CELF4: variants seen among roughly 807,000 people sequenced by gnomAD.
CELF4 encodes CUGBP Elav-like family member 4.
Under a neutral mutation model 59.9 loss-of-function variants are expected in CELF4, and 18 were observed. That is an observed-to-expected ratio of 0.30 (90% CI 0.21 to 0.45). The LOEUF (loss-of-function observed/expected upper bound fraction) is 0.45, where lower values mean the gene tolerates loss of function less well. Ranked by LOEUF, CELF4 falls within the 20% of genes least tolerant of loss-of-function variation. CELF4 has a pLI of 1.00. For missense variants in CELF4, 456 were observed against 689.0 expected, an observed-to-expected ratio of 0.66 and a Z score of 3.79; for synonymous variants, 261 against 267.1, an observed-to-expected ratio of 0.98 and a Z score of 0.22.
intron 1 of CELF4, among the ~76,000 whole-genome samples, chr18:37,539,335 A>G (rs2099975973): frequency 6.6e-6 from 1 of 152,202 alleles, no homozygotes; most frequent in African/African-American, 2.4e-5. Context: ...CCAGTTAGAG[A>G]GTGGGAGAGC....
At position 37,352,040 on chromosome 18, in the gene CELF4, A is replaced by G. The variant is rs148346925; in HGVS notation, c.370-30159T>C. On this transcript the variant is annotated intron_variant, in intron 2 of 12. Coordinates refer to ENST00000420428, the MANE Select transcript of CELF4 (RefSeq NM_020180.4). ...TCTGTCTGAGTACATGGGTCTCTAAATGTTTGGTCCACAATCACAGTTTAA... is the reference window on the plus strand; with the variant it reads ...TCTGTCTGAGTACATGGGTCTCTAAGTGTTTGGTCCACAATCACAGTTTAA... 8.5e-3 allele frequency among the ~76,000 whole-genome samples: 1,301 copies of G among 152,288 alleles called. 12 individuals carry two copies. The highest frequency in any genetic ancestry group is 0.015 in the Non-Finnish European group (1,029 of 68,020).
chr18:37,418,353 TC>T (rs2099546316), intron 2 of CELF4, among the ~76,000 whole-genome samples: 1 of 152,166 alleles, frequency 6.6e-6, no homozygotes, highest in Non-Finnish European at 1.5e-5. Flanking sequence ...AGTCAGCATA[TC>T]CCCATTGCTC....
intron 1 of CELF4, among the ~76,000 whole-genome samples, chr18:37,526,500 A>C (rs1272993615): frequency 6.6e-6 from 1 of 152,054 alleles, no homozygotes; most frequent in Non-Finnish European, 1.5e-5. Flanking sequence ...AAGGTATTAG[A>C]TTTTCAAGTT....
intron 3 of CELF4, among the ~76,000 whole-genome samples, chr18:37,294,502 T>C (rs6507194): frequency 0.48 from 72,976 of 152,054 alleles, 17,927 homozygotes; most frequent in South Asian, 0.62. Flanking sequence ...CCCAGCTTCC[T>C]TGCTCTGGCT....
chr18:37,390,807 AGG>A (rs1004031145), intron 2 of CELF4, among the ~76,000 whole-genome samples: 1 of 57,094 alleles, frequency 1.8e-5, no homozygotes, highest in African/African-American at 8.6e-5. Flanking sequence ...TGGGGCGGGG[AGG>A]GGGGGCAGTG....
intron 2 of CELF4, among the ~76,000 whole-genome samples, chr18:37,374,433 T>C (rs1184129674): frequency 6.6e-6 from 1 of 152,142 alleles, no homozygotes; most frequent in East Asian, 1.9e-4. Flanking sequence ...CCTACCCTTC[T>C]GGAAGCCTCC....
chr18:37,298,299 C>T (rs910096440), intron 3 of CELF4, among the ~76,000 whole-genome samples: 8 of 152,190 alleles, frequency 5.3e-5, no homozygotes, highest in Non-Finnish European at 8.8e-5. Context: ...CCAGCCATGT[C>T]CACCTCTCCT....
At chr18:37,468,859 G>A (rs2099814839) in intron 2 of CELF4, among the ~76,000 whole-genome samples, 2 of 152,084 alleles carry the variant, frequency 1.3e-5, no homozygotes, top group South Asian at 4.2e-4. Context: ...GAACAGCATG[G>A]GGGAAACCAC....
chr18:37,310,514 G>T (rs2096606278), intron 3 of CELF4, among the ~76,000 whole-genome samples: 1 of 152,158 alleles, frequency 6.6e-6, no homozygotes, highest in Non-Finnish European at 1.5e-5. Flanking sequence ...CCTTAGTTCA[G>T]ATTATTTTCC....
chr18:37,534,214 A>G (rs74944822), intron 1 of CELF4, among the ~76,000 whole-genome samples: 2,335 of 152,244 alleles, frequency 0.015, 56 homozygotes, highest in African/African-American at 0.053. Context: ...ACTTGGTGCT[A>G]ATGGCACTAC....
At chr18:37,278,510 C>A (rs2093693510) in intron 3 of CELF4, among the ~76,000 whole-genome samples, 1 of 152,218 alleles carries the variant, frequency 6.6e-6, no homozygotes, top group African/African-American at 2.4e-5. Context: ...ACTGACTCCC[C>A]CTCCCGCTCC....
At chr18:37,360,868 C>A (rs1276011044) in intron 2 of CELF4, among the ~76,000 whole-genome samples, 1 of 152,208 alleles carries the variant, frequency 6.6e-6, no homozygotes, top group Admixed American at 6.5e-5. Context: ...GCGACAAAAT[C>A]CCTCACCCTT....
At chr18:37,347,097 TGGA>T (rs1453800929) in intron 2 of CELF4, among the ~76,000 whole-genome samples, 2 of 151,912 alleles carry the variant, frequency 1.3e-5, no homozygotes, top group Admixed American at 6.6e-5. Flanking sequence ...TGGAGGGTGT[TGGA>T]GGAGAAAGGC....
intron 3 of CELF4, 123 bp downstream of exon 3, chr18:37,321,680 C>G (rs2097125399): frequency 1.5e-6 from 1 of 679,558 alleles, no homozygotes; most frequent in Non-Finnish European, 2.5e-6. Context: ...CAACCCTCAG[C>G]CACGAGATCC....
intron 1 of CELF4, among the ~76,000 whole-genome samples, chr18:37,499,593 AC>A (rs1420329990): frequency 7.2e-5 from 11 of 152,154 alleles, no homozygotes; most frequent in Non-Finnish European, 1.3e-4. Context: ...TCTCAAGCGG[AC>A]CCTGTGAGCT....
rs115403037 is a variant in CELF4, at chr18:37,353,327, T to C, written c.370-31446A>G. 5.3e-3 allele frequency among the ~76,000 whole-genome samples: 809 copies of C among 151,704 alleles called. 9 individuals are homozygous for C. The highest frequency in any genetic ancestry group is 0.018 in the African/African-American group (736 of 41,404). On this transcript the variant is annotated intron_variant, in intron 2 of 12. Coordinates refer to ENST00000420428, the MANE Select transcript of CELF4 (RefSeq NM_020180.4). Reference sequence around the variant, plus strand: ...GGCATATGGTTTTATAGTTAAACTTTCCAGTGAGGCCAGATTCAGCAATCC... The same window carrying C: ...GGCATATGGTTTTATAGTTAAACTTCCCAGTGAGGCCAGATTCAGCAATCC...
intron 2 of CELF4, among the ~76,000 whole-genome samples, chr18:37,381,859 T>C (rs1363128483): frequency 1.3e-5 from 2 of 152,146 alleles, no homozygotes; most frequent in African/African-American, 4.8e-5. Context: ...CCCTGAGTGC[T>C]TTACCACTGG....
intron 1 of CELF4, among the ~76,000 whole-genome samples, chr18:37,516,945 G>A (rs977903498): frequency 6.6e-6 from 1 of 152,236 alleles, no homozygotes; most frequent in Non-Finnish European, 1.5e-5. Context: ...AACATGGCCT[G>A]TGTTCTCTCT....
chr18:37,493,863 C>T (rs965094028), intron 1 of CELF4, among the ~76,000 whole-genome samples: 1 of 152,158 alleles, frequency 6.6e-6, no homozygotes, highest in Non-Finnish European at 1.5e-5. Context: ...AAGAACATGG[C>T]CCATTCTAGA....
Sources: allele counts gnomAD v4.1 joint callset (sites outside exome capture counted in the v4.1 genomes callset), GRCh38; gene constraint gnomAD v4.1.1; transcripts MANE v1.5; gene names NCBI Gene and HGNC (gene_info 2026-07-23, HGNC 2026-07-21).